The following TAMM41 variants were observed in gnomAD, a reference collection of about 807,000 sequenced individuals.
TAMM41 encodes the protein TAM41 mitochondrial translocator assembly and maintenance homolog.
A neutral mutation model predicts 44.1 loss-of-function variants in TAMM41; 36 were observed. The ratio of observed to expected loss-of-function variants is 0.82; its 90% CI spans 0.63 to 1.08. TAMM41 has a LOEUF of 1.08. Among genes scored for constraint, TAMM41 ranks in the 50% least tolerant of loss-of-function variants. The pLI is 0.00. For missense variants in TAMM41, 417 were observed against 404.3 expected, an observed-to-expected ratio of 1.03 and a Z score of -0.27; for synonymous variants, 164 against 153.1, an observed-to-expected ratio of 1.07 and a Z score of -0.53.
At chr3:11,831,936 G>GTC (rs2078997822) in intron 3 of TAMM41, among the ~76,000 whole-genome samples, 1 of 152,124 alleles carries the variant, frequency 6.6e-6, no homozygotes, top group Admixed American at 6.5e-5. Flanking sequence ...CAGCACTTAG[G>GTC]TGAGTTTAGT....
chr3:11,800,072 T>C (rs1278460295), intron 7 of TAMM41, among the ~76,000 whole-genome samples: 1 of 152,134 alleles, frequency 6.6e-6, no homozygotes, highest in African/African-American at 2.4e-5. Flanking sequence ...ACCAGCCCTA[T>C]AGGAAATGCT....
the TAMM41 span, among the ~76,000 whole-genome samples, chr3:11,728,320 G>A: frequency 3.3e-5 from 5 of 152,128 alleles, no homozygotes; most frequent in African/African-American, 4.8e-5. Flanking sequence ...TCTTGCCCTC[G>A]TTGAGCTATC....
downstream of TAMM41, among the ~76,000 whole-genome samples, chr3:11,785,923 T>C (rs1475535232): frequency 6.6e-6 from 1 of 152,122 alleles, no homozygotes; most frequent in African/African-American, 2.4e-5. Flanking sequence ...CTGGCCCAAG[T>C]GGCATCTGGG....
At chr3:11,756,452 T>C in the TAMM41 span, among the ~76,000 whole-genome samples, 28 of 152,352 alleles carry the variant, frequency 1.8e-4, no homozygotes, top group African/African-American at 6.5e-4. Context: ...ATATTCACAA[T>C]GACTCTTTGA....
At position 11,846,838 on chromosome 3, in the gene TAMM41, GC is replaced by G. The variant is rs1370867611; in HGVS notation, c.-203del. On this transcript the variant is annotated 5_prime_UTR_variant, in exon 1 of 8. Coordinates refer to ENST00000455809, the MANE Select transcript of TAMM41 (RefSeq NM_001284401.2). Reference sequence around the variant, plus strand: ...CGAAGAGCAGCGGCGAGAAGACGCAGCCCAGATAGGCTCGGGTGGGCGGCGG... The same window carrying G: ...CGAAGAGCAGCGGCGAGAAGACGCAGCCAGATAGGCTCGGGTGGGCGGCGG... 6.3e-6 allele frequency: 4 copies of G among 633,902 alleles called. No homozygotes were observed. The highest frequency in any genetic ancestry group is 5.5e-5 in the African/African-American group (3 of 54,386). The allele number at this position is 633,902 out of a possible 1,614,324, so 39.3% of individuals were successfully genotyped here.
At chr3:11,824,357 A>ATTTTTTTT (rs34155955) in intron 4 of TAMM41, among the ~76,000 whole-genome samples, 1 of 105,134 alleles carries the variant, frequency 9.5e-6, no homozygotes, top group Non-Finnish European at 1.9e-5. Flanking sequence ...TGCCTGGCTA[A>ATTTTTTTT]TTTTTTTTTT....
At chr3:11,781,779 A>ATC in the TAMM41 span, among the ~76,000 whole-genome samples, 3 of 40,528 alleles carry the variant, frequency 7.4e-5, no homozygotes, top group Non-Finnish European at 1.4e-4. Context: ...TAATAATAAT[A>ATC]ATCATACAAA....
chr3:11,817,144 T>C (rs767151571), intron 5 of TAMM41, 48 bp downstream of exon 5: 24 of 1,574,522 alleles, frequency 1.5e-5, no homozygotes, highest in East Asian at 2.3e-5. Flanking sequence ...TTCCTGCAAA[T>C]AGCCTTTGTC....
At chr3:11,771,107 T>G in the TAMM41 span, 2 of 152,462 alleles carry the variant, frequency 1.3e-5, no homozygotes, top group Non-Finnish European at 2.9e-5. Context: ...AGCTGCGGCC[T>G]CAGGCAGCAA....
At chr3:11,795,540 T>C (rs2077584874) in intron 7 of TAMM41, among the ~76,000 whole-genome samples, 1 of 152,206 alleles carries the variant, frequency 6.6e-6, no homozygotes. Context: ...CGCAATAGGT[T>C]TACTGCCCTT....
chr3:11,809,304 G>C, intron 6 of TAMM41: 1 of 572,282 alleles, frequency 1.7e-6, no homozygotes, highest in Non-Finnish European at 3.0e-6. Context: ...TTAGGATCCA[G>C]GAATTTAAAA....
chr3:11,800,012 AAG>A (rs1189892322), intron 7 of TAMM41, among the ~76,000 whole-genome samples: 1 of 152,202 alleles, frequency 6.6e-6, no homozygotes, highest in Non-Finnish European at 1.5e-5. Flanking sequence ...TCATAAATGA[AAG>A]AGACTAGTCT....
At chr3:11,832,537 G>T (rs922724936) in intron 3 of TAMM41, among the ~76,000 whole-genome samples, 1 of 152,164 alleles carries the variant, frequency 6.6e-6, no homozygotes, top group Non-Finnish European at 1.5e-5. Flanking sequence ...GACACCAAGG[G>T]ATGACAGTAT....
At chr3:11,829,028 G>A (rs2078874753) in intron 4 of TAMM41, among the ~76,000 whole-genome samples, 1 of 152,074 alleles carries the variant, frequency 6.6e-6, no homozygotes, top group Non-Finnish European at 1.5e-5. Flanking sequence ...ATAGATGGGG[G>A]CTCCTCTGGT....
chr3:11,821,365 G>T (rs150533566), intron 4 of TAMM41, among the ~76,000 whole-genome samples: 1 of 152,334 alleles, frequency 6.6e-6, no homozygotes, highest in East Asian at 1.9e-4. Context: ...GACAGTGACA[G>T]ATCAGGCATT....
the TAMM41 span, among the ~76,000 whole-genome samples, chr3:11,749,371 T>G: frequency 6.5e-3 from 990 of 152,304 alleles, 9 homozygotes; most frequent in African/African-American, 0.022. Flanking sequence ...AACTGGACAC[T>G]GGAATCTTGT....
chr3:11,728,842 C>T, the TAMM41 span, among the ~76,000 whole-genome samples: 1 of 151,996 alleles, frequency 6.6e-6, no homozygotes, highest in Non-Finnish European at 1.5e-5. Flanking sequence ...AACCCCGTCG[C>T]CACTAAAAAT....
intron 3 of TAMM41, among the ~76,000 whole-genome samples, chr3:11,832,786 T>C (rs913987609): frequency 6.6e-6 from 1 of 152,186 alleles, no homozygotes; most frequent in African/African-American, 2.4e-5. Flanking sequence ...ATTCTTCACC[T>C]CTCTGTTTTT....
Position 11,793,669 on chromosome 3 carries a change from C to T in TAMM41, c.938-3088G>A, listed in dbSNP as rs527909661. 3.3e-5 allele frequency among the ~76,000 whole-genome samples: 5 copies of T among 152,334 alleles called. No individual in the cohort carries two copies. The East Asian group carries it at 9.6e-4, about 29-fold the overall frequency. The stretch of plus-strand genomic sequence containing the variant: ...TGCACTGGGCAGAAATGAACCACTG[C>T]TACTCCCAACACGATGAATCTCCCT... On this transcript the variant is annotated intron_variant, in intron 7 of 7. Transcript: ENST00000455809.
Sources: allele counts gnomAD v4.1 joint callset (sites outside exome capture counted in the v4.1 genomes callset), GRCh38; gene constraint gnomAD v4.1.1; transcripts MANE v1.5; gene names NCBI Gene and HGNC (gene_info 2026-07-23, HGNC 2026-07-21).